The following IL18R1 variants were observed in gnomAD, a reference collection of about 807,000 sequenced individuals.
IL18R1 encodes interleukin 18 receptor 1.
Under a neutral mutation model 48.5 loss-of-function variants are expected in IL18R1, and 40 were observed. The ratio of observed to expected loss-of-function variants is 0.82; its 90% CI spans 0.64 to 1.07. The LOEUF is 1.07. IL18R1 is among the 50% of genes least tolerant of loss of function. IL18R1 has a pLI of 0.00. For missense variants in IL18R1, 596 were observed against 633.7 expected (o/e 0.94, Z 0.64); for synonymous variants, 232 against 225.9 (o/e 1.03, Z -0.24).
intron 9 of IL18R1, 23 bp from the exon 10 acceptor site, chr2:102,394,444 TAA>T (rs775399855): frequency 3.7e-5 from 58 of 1,565,770 alleles, no homozygotes; most frequent in Non-Finnish European, 4.7e-5. Flanking sequence ...ACACATGAAT[TAA>T]AAGAGCCAAT....
At chr2:102,375,854 A>C in intron 4 of IL18R1, 53 bp from the exon 5 acceptor site, 1 of 1,289,980 alleles carries the variant, frequency 7.8e-7, no homozygotes, top group Non-Finnish European at 1.0e-6. Flanking sequence ...GGATCACTGT[A>C]ATATCAATTT....
At chr2:102,381,487 A>G in intron 5 of IL18R1, 133 bp from the exon 6 acceptor site, 1 of 658,722 alleles carries the variant, frequency 1.5e-6, no homozygotes, top group Non-Finnish European at 2.7e-6. Flanking sequence ...TAATGCAAAT[A>G]GGACTCAAGT....
At chr2:102,361,834 G>A (rs1443753658) in intron 1 of IL18R1, among the ~76,000 whole-genome samples, 1 of 152,174 alleles carries the variant, frequency 6.6e-6, no homozygotes, top group Non-Finnish European at 1.5e-5. Context: ...GCTCAAAGTT[G>A]TAATCAGAAC....
chr2:102,373,612 A>T lies in IL18R1; in HGVS notation c.468+1494A>T, dbSNP rs374446869. Among the ~76,000 whole-genome samples, 36 of 86,408 alleles carry T rather than the reference A, an allele frequency of 4.2e-4. 1 individual carries two copies. The highest frequency in any genetic ancestry group is 9.7e-4 in the African/African-American group (27 of 27,870). The allele number at this position is 86,408 out of a possible 152,430, so 56.7% of individuals were successfully genotyped here. Reference sequence around the variant, plus strand: ...TATACCCCAGAACTTAAAGTATAATAAAAAAAAAAGCTCTTTTAGACCACG... The same window carrying T: ...TATACCCCAGAACTTAAAGTATAATTAAAAAAAAAGCTCTTTTAGACCACG... On this transcript the variant is annotated intron_variant, in intron 4 of 10. Transcript: ENST00000233957.
chr2:102,374,694 C>A (rs935892148), intron 4 of IL18R1, among the ~76,000 whole-genome samples: 1 of 151,914 alleles, frequency 6.6e-6, no homozygotes, highest in Admixed American at 6.6e-5. Context: ...AGGAGAATCA[C>A]TTGAACCCGG....
At position 102,390,214 on chromosome 2, in the gene IL18R1, A is replaced by G. The variant is rs769116542; in HGVS notation, c.1108A>G (p.Thr370Ala). Residue 370 changes from threonine (T) to alanine (A), a missense_variant, in exon 9 of 11, where the codon ACA becomes GCA. Thr to Ala is a moderately conservative substitution (Grantham distance 58). Around this residue, in one of 3 missense-constraint regions of IL18R1, gnomAD observed 179 missense variants for 206.1 expected, o/e 0.87. Transcript: ENST00000233957. The part of the protein sequence containing the change: ...RHLTRRDETL[T>A]DGKTYDAFVS... The stretch of plus-strand genomic sequence containing the variant: ...TTTAACGAGAAGAGATGAAACATTA[A>G]CAGGTAACACATATAATGCTGGAAT... 4 of 1,613,222 alleles carry G rather than the reference A, an allele frequency of 2.5e-6. No homozygotes were observed. The highest frequency in any genetic ancestry group is 1.7e-4 in the Middle Eastern group (1 of 6,060).
At chr2:102,375,432 G>T (rs1442756000) in intron 4 of IL18R1, among the ~76,000 whole-genome samples, 2 of 152,136 alleles carry the variant, frequency 1.3e-5, no homozygotes, top group Non-Finnish European at 2.9e-5. Flanking sequence ...TGGGTGGTCT[G>T]CTAGCTACTC....
rs1276855314 is a variant in IL18R1 at position 102,367,857 on chromosome 2, G to C, written c.91G>C (p.Val31Leu). The stretch of plus-strand genomic sequence containing the variant: ...TACTTCACGTCCCCACATTACTGTG[G>C]TTGAAGGGGAACCTTTCTATCTGAA... ...SCTSRPHITV[V>L]EGEPFYLKHC... The change falls in exon 3 of 11, where the codon GTT (valine) becomes CTT (leucine). Residue 31 changes from valine (V) to leucine (L), a missense_variant. Val to Leu is a conservative substitution (Grantham distance 32, BLOSUM62 1). Around this residue, in one of 3 missense-constraint regions of IL18R1, gnomAD observed 360 missense variants for 339.4 expected, o/e 1.06. Coordinates refer to ENST00000233957, the MANE Select transcript of IL18R1 (RefSeq NM_003855.5). 1 of 1,613,818 alleles carries C rather than the reference G, an allele frequency of 6.2e-7. No individual in the cohort carries two copies. Among genetic ancestry groups the C allele is most frequent in the South Asian group, 1.1e-5 (1 of 91,020 alleles).
At position 102,376,056 on chromosome 2, in the gene IL18R1, A is replaced by C; in HGVS notation, c.618A>C (p.Ile206=). The C allele has an allele frequency of 6.4e-7, 1 of 1,570,176 alleles. No individual in the cohort carries two copies. The highest frequency in any genetic ancestry group is 8.6e-7 in the Non-Finnish European group (1 of 1,165,072). The change falls in exon 5 of 11, where the codon ATA becomes ATC. Residue 206 remains isoleucine (I), a synonymous_variant. Coordinates refer to ENST00000233957, the MANE Select transcript of IL18R1 (RefSeq NM_003855.5). ...TCACCAAAACCTTCAATATAACAAT[A>C]GTGGAAGGTAAGGGAAATCTTAGAA... ...FNITKTFNIT[I]VEDRSNIVPV... is the part of the protein sequence containing the mutation.
intron 10 of IL18R1, among the ~76,000 whole-genome samples, chr2:102,395,474 TC>T (rs932097275): frequency 2.8e-4 from 42 of 151,960 alleles, no homozygotes; most frequent in Non-Finnish European, 4.4e-4. Flanking sequence ...ATAGTTACAT[TC>T]CCCCCCATAT....
At chr2:102,386,803 T>C in intron 7 of IL18R1, 58 bp from the exon 8 acceptor site, 1 of 1,560,198 alleles carries the variant, frequency 6.4e-7, no homozygotes, top group Non-Finnish European at 8.8e-7. Context: ...AACATGTGAA[T>C]TCCCCTCTCA....
At chr2:102,361,049 C>T (rs1287084775) in intron 1 of IL18R1, among the ~76,000 whole-genome samples, 1 of 152,112 alleles carries the variant, frequency 6.6e-6, no homozygotes, top group African/African-American at 2.4e-5. Context: ...TATTGAAACT[C>T]AGAGTTAACT....
intron 7 of IL18R1, 70 bp from the exon 8 acceptor site, chr2:102,386,791 T>A (rs773829711): frequency 4.3e-5 from 65 of 1,499,384 alleles, no homozygotes; most frequent in Admixed American, 2.3e-4. Flanking sequence ...TCAAGCATTT[T>A]AAACATGTGA....
intron 8 of IL18R1, among the ~76,000 whole-genome samples, chr2:102,389,015 C>T (rs1680408342): frequency 6.6e-6 from 1 of 151,906 alleles, no homozygotes; most frequent in Admixed American, 6.6e-5. Context: ...TACATATATG[C>T]ATGTATATAT....
chr2:102,389,926 A>G, intron 8 of IL18R1, 130 bp from the exon 9 acceptor site: 2 of 697,460 alleles, frequency 2.9e-6, no homozygotes, highest in South Asian at 3.7e-5. Context: ...CACTCAGTGG[A>G]ATGTGTCAGC....
At chr2:102,368,977 A>G (rs1679078375) in intron 3 of IL18R1, among the ~76,000 whole-genome samples, 1 of 152,182 alleles carries the variant, frequency 6.6e-6, no homozygotes, top group African/African-American at 2.4e-5. Context: ...TTTGCACCAA[A>G]TCAGGTCATT....
rs142917064 is a variant in IL18R1 at position 102,381,639 on chromosome 2, G to C, written c.645G>C (p.Pro215=). ...TTCTAGATCGCAGTAATATAGTTCC[G>C]GTTCTTCTTGGACCAAAGCTTAACC... ...TIVEDRSNIV[P]VLLGPKLNHV... is the part of the protein sequence containing the mutation. Residue 215 remains proline (P), a synonymous_variant, in exon 6 of 11, where the codon CCG becomes CCC. Coordinates refer to ENST00000233957, the MANE Select transcript of IL18R1 (RefSeq NM_003855.5). 1.2e-6 allele frequency: 2 copies of C among 1,612,750 alleles called. No homozygotes were observed. The highest frequency in any genetic ancestry group is 2.7e-5 in the African/African-American group (2 of 74,832).
chr2:102,380,585 G>T (rs1679862457), intron 5 of IL18R1, among the ~76,000 whole-genome samples: 1 of 152,154 alleles, frequency 6.6e-6, no homozygotes, highest in African/African-American at 2.4e-5. Context: ...ACCTGACTCT[G>T]AACTCCGGAG....
At chr2:102,356,498 A>AAGAGAG (rs139602551) in intron 1 of IL18R1, 98 bp downstream of exon 1, 1 of 161,394 alleles carries the variant, frequency 6.2e-6, no homozygotes, top group African/African-American at 2.4e-5. Flanking sequence ...AAGATCAATT[A>AAGAGAG]AGAGAGAGAG....
Sources: gnomAD v4.1 joint callset for allele counts (sites outside exome capture counted in the v4.1 genomes callset) on GRCh38, gnomAD v4.1.1 for gene constraint, gnomAD v4.1.1 regional missense constraint, MANE v1.5 for transcripts, NCBI Gene and HGNC (gene_info 2026-07-23, HGNC 2026-07-21) for gene names.